DOCK1: variants seen among roughly 807,000 people sequenced by gnomAD.
DOCK1 encodes dedicator of cytokinesis protein 1.
Under a neutral mutation model 262.7 loss-of-function variants are expected in DOCK1, and 138 were observed. The ratio of observed to expected loss-of-function variants is 0.53; its 90% confidence interval spans 0.46 to 0.61. The LOEUF (loss-of-function observed/expected upper bound fraction) is 0.61, where lower values mean the gene tolerates loss of function less well. Ranked by LOEUF, DOCK1 falls within the 20% of genes least tolerant of loss-of-function variation. The pLI is 0.00. For missense variants in DOCK1, 1,908 were observed against 2,370.7 expected (o/e 0.80, Z 4.05); for synonymous variants, 866 against 867.4 (o/e 1.00, Z 0.03).
At chr10:127,170,077 G>A (rs1236541147) in intron 27 of DOCK1, among the ~76,000 whole-genome samples, 9 of 151,896 alleles carry the variant, frequency 5.9e-5, no homozygotes, top group Non-Finnish European at 1.2e-4. Flanking sequence ...CTTTCTCAAT[G>A]AGGATGAACA....
At chr10:127,194,699 C>A (rs1283021965) in intron 27 of DOCK1, among the ~76,000 whole-genome samples, 2 of 152,136 alleles carry the variant, frequency 1.3e-5, no homozygotes, top group South Asian at 2.1e-4. Flanking sequence ...GAAAGGTAAC[C>A]CTCTAGCAAG....
chr10:127,166,386 A>AT (rs989408060), intron 27 of DOCK1, among the ~76,000 whole-genome samples: 1 of 152,182 alleles, frequency 6.6e-6, no homozygotes. Context: ...CTGCATTTTC[A>AT]TTAGTTCATG....
At chr10:127,218,829 G>A (rs1056151622) in intron 27 of DOCK1, among the ~76,000 whole-genome samples, 1 of 152,172 alleles carries the variant, frequency 6.6e-6, no homozygotes, top group Non-Finnish European at 1.5e-5. Flanking sequence ...TGGCTGGGAA[G>A]TCCAAAATCA....
At chr10:127,044,337 G>A (rs2044204418) in intron 21 of DOCK1, among the ~76,000 whole-genome samples, 1 of 152,146 alleles carries the variant, frequency 6.6e-6, no homozygotes. Context: ...AAGGTGGTGG[G>A]TGGAGCTCCA....
chr10:127,157,269 G>A (rs2053173595), intron 27 of DOCK1, among the ~76,000 whole-genome samples: 1 of 152,210 alleles, frequency 6.6e-6, no homozygotes, highest in Non-Finnish European at 1.5e-5. Context: ...CACAAAGACC[G>A]TCACGTGTTA....
chr10:127,207,350 T>C (rs2057771553), intron 27 of DOCK1, among the ~76,000 whole-genome samples: 1 of 152,170 alleles, frequency 6.6e-6, no homozygotes, highest in Non-Finnish European at 1.5e-5. Flanking sequence ...GTAGAAAGCT[T>C]ACAAGGAAGT....
chr10:127,089,907 C>T (rs1407539199), intron 23 of DOCK1, among the ~76,000 whole-genome samples: 2 of 151,798 alleles, frequency 1.3e-5, no homozygotes, highest in African/African-American at 4.9e-5. Flanking sequence ...TAAAAATTCC[C>T]TGTCCTACAT....
intron 3 of DOCK1, among the ~76,000 whole-genome samples, chr10:126,980,624 C>T (rs980586432): frequency 1.3e-5 from 2 of 152,132 alleles, no homozygotes; most frequent in African/African-American, 4.8e-5. Flanking sequence ...ATCATTGGTG[C>T]CTGCTAGACC....
At chr10:127,243,080 C>T (rs1181109504) in intron 27 of DOCK1, among the ~76,000 whole-genome samples, 2 of 152,126 alleles carry the variant, frequency 1.3e-5, no homozygotes, top group Non-Finnish European at 2.9e-5. Flanking sequence ...GCTCCAGGGT[C>T]GATTGAGACA....
At chr10:127,171,798 G>A (rs1229026559) in intron 27 of DOCK1, among the ~76,000 whole-genome samples, 3 of 152,128 alleles carry the variant, frequency 2.0e-5, no homozygotes, top group African/African-American at 4.8e-5. Context: ...CCACCTCCCG[G>A]GTTCAAGCAA....
intron 29 of DOCK1, among the ~76,000 whole-genome samples, chr10:127,289,615 A>G (rs2061280595): frequency 6.6e-6 from 1 of 152,180 alleles, no homozygotes; most frequent in Non-Finnish European, 1.5e-5. Flanking sequence ...CAACCTTTCC[A>G]ACCTATTATG....
intron 29 of DOCK1, among the ~76,000 whole-genome samples, chr10:127,302,740 G>GC (rs56851132): frequency 1.5e-4 from 11 of 71,472 alleles, no homozygotes; most frequent in Non-Finnish European, 2.5e-4. Flanking sequence ...GGAAAAGAGG[G>GC]GGTGTGTGTG....
intron 47 of DOCK1, among the ~76,000 whole-genome samples, chr10:127,427,748 G>C (rs2068916118): frequency 6.6e-6 from 1 of 152,208 alleles, no homozygotes. Context: ...CCTGAGAGAA[G>C]GTAATTTGGT....
intron 1 of DOCK1, among the ~76,000 whole-genome samples, chr10:126,939,111 GGGGATGAACACCGGAA>G (rs1428107691): frequency 6.6e-6 from 1 of 151,968 alleles, no homozygotes; most frequent in Non-Finnish European, 1.5e-5. Context: ...GAACACAGGA[GGGGATGAACACCGGAA>G]GGGATGAACA....
intron 27 of DOCK1, among the ~76,000 whole-genome samples, chr10:127,130,044 C>T (rs536414937): frequency 5.4e-4 from 80 of 148,570 alleles, no homozygotes; most frequent in African/African-American, 1.9e-3. Context: ...GGGGCACAAT[C>T]CTGCCTCCAG....
chr10:127,166,088 C>T (rs555966907), intron 27 of DOCK1, among the ~76,000 whole-genome samples: 187 of 151,870 alleles, frequency 1.2e-3, no homozygotes, highest in African/African-American at 4.3e-3. Flanking sequence ...TTTTCTGAGA[C>T]AGAGTCTCGC....
chr10:127,269,139 G>GC (rs2060475913), intron 29 of DOCK1, among the ~76,000 whole-genome samples: 1 of 152,280 alleles, frequency 6.6e-6, no homozygotes, highest in Admixed American at 6.5e-5. Context: ...TTCTTCACCC[G>GC]TAAATTAGAG....
At chr10:127,418,879 A>T (rs560411092) in intron 45 of DOCK1, among the ~76,000 whole-genome samples, 71 of 152,288 alleles carry the variant, frequency 4.7e-4, no homozygotes, top group African/African-American at 1.7e-3. Context: ...AAAACACCAG[A>T]ATATCAGGAC....
At chr10:127,360,598 A>G (rs1236135026) in intron 32 of DOCK1, among the ~76,000 whole-genome samples, 1 of 152,224 alleles carries the variant, frequency 6.6e-6, no homozygotes, top group Non-Finnish European at 1.5e-5. Flanking sequence ...TGATGTCTCA[A>G]CAGTGAGGGA....
Sources: allele counts gnomAD v4.1 joint callset (sites outside exome capture counted in the v4.1 genomes callset), GRCh38; gene constraint gnomAD v4.1.1; transcripts MANE v1.5; gene names NCBI Gene and HGNC (gene_info 2026-07-23, HGNC 2026-07-21).